SH3D19: variants seen among roughly 807,000 people sequenced by gnomAD.
SH3D19 encodes the protein SH3 domain containing 19.
Under a neutral mutation model 112.1 loss-of-function variants are expected in SH3D19, and 58 were observed. That is an observed-to-expected ratio of 0.52 (90% CI 0.42 to 0.64). SH3D19 has a LOEUF of 0.64. Among genes scored for constraint, SH3D19 ranks in the 30% least tolerant of loss-of-function variants. The pLI is 0.00. For synonymous variants in SH3D19, 391 were observed against 448.5 expected (o/e 0.87, Z 1.62); for missense variants, 1,090 against 1,263.4 (o/e 0.86, Z 2.08).
chr4:151,167,973 G>A (rs1318247759), intron 7 of SH3D19, among the ~76,000 whole-genome samples: 1 of 152,230 alleles, frequency 6.6e-6, no homozygotes, highest in Admixed American at 6.5e-5. Context: ...GATCTTTTCT[G>A]TCTTCCCCAA....
intron 7 of SH3D19, among the ~76,000 whole-genome samples, chr4:151,174,116 T>G (rs1166561140): frequency 6.6e-6 from 1 of 152,238 alleles, no homozygotes; most frequent in Non-Finnish European, 1.5e-5. Flanking sequence ...TTGCAACATG[T>G]GGCTGGGTCC....
At chr4:151,196,182 C>A (rs1329438303) in intron 2 of SH3D19, among the ~76,000 whole-genome samples, 1 of 152,096 alleles carries the variant, frequency 6.6e-6, no homozygotes, top group African/African-American at 2.4e-5. Flanking sequence ...CAAAGGCAGG[C>A]CCATCAAGGT....
At chr4:151,276,431 A>G (rs1773630464) in intron 1 of SH3D19, among the ~76,000 whole-genome samples, 1 of 152,078 alleles carries the variant, frequency 6.6e-6, no homozygotes, top group Non-Finnish European at 1.5e-5. Context: ...CAACAGAGCC[A>G]CCTCACCCAA....
At chr4:151,143,295 A>G (rs937518866) in intron 12 of SH3D19, among the ~76,000 whole-genome samples, 2 of 152,042 alleles carry the variant, frequency 1.3e-5, no homozygotes, top group African/African-American at 2.4e-5. Flanking sequence ...GCTTTTTGGC[A>G]GTATAACTTC....
chr4:151,298,965 C>T (rs570792105), intron 1 of SH3D19, among the ~76,000 whole-genome samples: 27 of 152,290 alleles, frequency 1.8e-4, no homozygotes, highest in African/African-American at 6.3e-4. Context: ...TCAAATCCCC[C>T]ACATAATCGT....
chr4:151,176,731 G>C (rs574955508), intron 5 of SH3D19, 44 bp from the exon 6 acceptor site: 3 of 1,226,732 alleles, frequency 2.4e-6, no homozygotes, highest in South Asian at 4.1e-5. Context: ...AAGGGCAATA[G>C]CTAAGGTGTT....
chr4:151,145,684 A>G (rs2149770895), intron 11 of SH3D19, among the ~76,000 whole-genome samples: 1 of 152,292 alleles, frequency 6.6e-6, no homozygotes, highest in East Asian at 1.9e-4. Flanking sequence ...ACCAAATGTG[A>G]AATCTGGTTC....
At chr4:151,152,506 C>T (rs1274713246) in intron 9 of SH3D19, among the ~76,000 whole-genome samples, 1 of 145,936 alleles carries the variant, frequency 6.9e-6, no homozygotes, top group Non-Finnish European at 1.5e-5. Flanking sequence ...TTTTGCTATT[C>T]TCTCTCTCTC....
At chr4:151,180,411 C>CTTTTTT (rs367719721) in intron 3 of SH3D19, among the ~76,000 whole-genome samples, 1 of 130,768 alleles carries the variant, frequency 7.6e-6, no homozygotes, top group Non-Finnish European at 1.6e-5. Context: ...ATTTTTTTTT[C>CTTTTTT]TTTTTTTTTT....
chr4:151,275,861 TAGACG>T (rs1773573732), intron 1 of SH3D19, among the ~76,000 whole-genome samples: 1 of 132,380 alleles, frequency 7.6e-6, no homozygotes, highest in African/African-American at 2.7e-5. Flanking sequence ...TTTTTTTTTT[TAGACG>T]GAGTCTCGCT....
chr4:151,317,149 T>C (rs557553607), intron 1 of SH3D19, among the ~76,000 whole-genome samples: 2 of 152,290 alleles, frequency 1.3e-5, no homozygotes, highest in African/African-American at 4.8e-5. Context: ...GTCTTGAGCT[T>C]TGCCCCTTTG....
At chr4:151,209,236 G>C (rs982612787) in intron 2 of SH3D19, among the ~76,000 whole-genome samples, 15 of 151,870 alleles carry the variant, frequency 9.9e-5, no homozygotes, top group African/African-American at 3.6e-4. Context: ...ACAGCTTCTC[G>C]AGTGGTTCTA....
In SH3D19 at chr4:151,139,865, G is replaced by A. The variant is rs1752670507; in HGVS notation, c.2224-18C>T. On this transcript the variant is annotated intron_variant, in intron 12 of 19. Transcript: ENST00000604030. ...CTTGGATCCTTAGGGGGAGAAAAGGGCTGTGAATGAAGTGTGCAGGATAGA... is the reference window on the plus strand; with the variant it reads ...CTTGGATCCTTAGGGGGAGAAAAGGACTGTGAATGAAGTGTGCAGGATAGA... 21 of 1,612,996 alleles carry A rather than the reference G, an allele frequency of 1.3e-5. No homozygotes were observed. Among genetic ancestry groups the A allele is most frequent in the Non-Finnish European group, 1.6e-5 (19 of 1,179,252 alleles).
Position 151,135,235 on chromosome 4 carries a change from T to C in SH3D19, c.2428-103A>G, listed in dbSNP as rs367990527. 1.9e-5 allele frequency: 16 copies of C among 848,254 alleles called. No individual in the cohort carries two copies. The African/African-American group carries it at 2.6e-4, about 14-fold the overall frequency. The allele number at this position is 848,254 out of a possible 1,614,324, so 52.5% of individuals were successfully genotyped here. A position where few individuals can be genotyped will look rare whatever the true frequency, so the allele number is the denominator to read the frequency against. On this transcript the variant is annotated intron_variant, in intron 14 of 19. Coordinates refer to ENST00000604030, the MANE Select transcript of SH3D19 (RefSeq NM_001378122.1). Reference sequence around the variant, plus strand: ...AAAGTACATGACTGAAATCGATCGGTTTAGCTAGGTGTTAATCTGATTAAG... The same window carrying C: ...AAAGTACATGACTGAAATCGATCGGCTTAGCTAGGTGTTAATCTGATTAAG...
chr4:151,215,932 T>C (rs1171733454), intron 2 of SH3D19, among the ~76,000 whole-genome samples: 1 of 152,122 alleles, frequency 6.6e-6, no homozygotes, highest in Non-Finnish European at 1.5e-5. Context: ...TTCAAGTGAT[T>C]TTCCTGCCTC....
intron 11 of SH3D19, chr4:151,144,439 G>T: frequency 7.6e-6 from 5 of 655,974 alleles, no homozygotes; most frequent in East Asian, 2.7e-5. Context: ...GATCAATGGA[G>T]CCTGCCATTT....
chr4:151,247,522 T>C (rs1771029513), intron 1 of SH3D19, among the ~76,000 whole-genome samples: 1 of 152,226 alleles, frequency 6.6e-6, no homozygotes, highest in Non-Finnish European at 1.5e-5. Flanking sequence ...ATAATTTATA[T>C]TCCATAAAAT....
chr4:151,283,250 T>G, intron 1 of SH3D19: 1 of 1,613,782 alleles, frequency 6.2e-7, no homozygotes, highest in African/African-American at 1.3e-5. Flanking sequence ...ACAAGATTTG[T>G]GCTGGTGATA....
At chr4:151,202,952 T>C (rs563389159) in intron 2 of SH3D19, among the ~76,000 whole-genome samples, 2 of 152,176 alleles carry the variant, frequency 1.3e-5, no homozygotes, top group African/African-American at 4.8e-5. Flanking sequence ...TCGGTCTAAG[T>C]TGAACTATGT....
Sources: gnomAD v4.1 joint callset for allele counts (sites outside exome capture counted in the v4.1 genomes callset) on GRCh38, gnomAD v4.1.1 for gene constraint, MANE v1.5 for transcripts, NCBI Gene and HGNC (gene_info 2026-07-23, HGNC 2026-07-21) for gene names.